The following CAPRIN1 variants were observed in gnomAD, a reference collection of about 807,000 sequenced individuals.
CAPRIN1 encodes cell cycle associated protein 1, also known as caprin-1.
CAPRIN1 carries 29 observed loss-of-function variants against 100.9 expected under a neutral mutation model. That is an observed-to-expected ratio of 0.29 (90% CI 0.21 to 0.39). The LOEUF (loss-of-function observed/expected upper bound fraction) is 0.39. Ranked by LOEUF, CAPRIN1 falls within the 10% of genes least tolerant of loss-of-function variation. CAPRIN1 has a pLI of 1.00. For synonymous variants in CAPRIN1, 338 were observed against 307.5 expected (o/e 1.10, Z -1.04); for missense variants, 795 against 876.7 (o/e 0.91, Z 1.18).
At position 34,083,082 on chromosome 11, in the gene CAPRIN1, C is replaced by T. The variant is rs182192697; in HGVS notation, c.966+41C>T. On this transcript the variant is annotated intron_variant, in intron 9 of 18. Coordinates refer to ENST00000341394, the MANE Select transcript of CAPRIN1 (RefSeq NM_005898.5). Reference sequence around the variant, plus strand: ...ATTGCAAAGTTGTTGTCTTTGTCTTCAGTTAGTAATTTTTATCTCTACTGA... The same window carrying T: ...ATTGCAAAGTTGTTGTCTTTGTCTTTAGTTAGTAATTTTTATCTCTACTGA... The T allele has an allele frequency of 2.9e-6, 4 of 1,371,224 alleles. No homozygotes were observed. The South Asian group carries it at 3.5e-5, about 12-fold the overall frequency. The allele number at this position is 1,371,224 out of a possible 1,614,324, so 84.9% of individuals were successfully genotyped here. A position where few individuals can be genotyped will look rare whatever the true frequency, so the allele number is the denominator to read the frequency against.
chr11:34,082,925 A>G, intron 8 of CAPRIN1, 30 bp from the exon 9 acceptor site: 1 of 1,612,952 alleles, frequency 6.2e-7, no homozygotes, highest in East Asian at 2.2e-5. Flanking sequence ...CTTTCAAACA[A>G]ATGTCTCAAA....
chr11:34,061,346 A>G (rs1726110537), intron 2 of CAPRIN1, among the ~76,000 whole-genome samples: 2 of 151,200 alleles, frequency 1.3e-5, no homozygotes, highest in East Asian at 2.0e-4. Flanking sequence ...AGCTGGTATT[A>G]TAGGCAACCA....
chr11:34,081,429 C>T (rs1319516760), intron 7 of CAPRIN1, among the ~76,000 whole-genome samples: 2 of 151,924 alleles, frequency 1.3e-5, no homozygotes, highest in Non-Finnish European at 2.9e-5. Context: ...GAACTCCTGA[C>T]CTCAGGTTAT....
chr11:34,097,440 G>C (rs1224323201), intron 17 of CAPRIN1, 144 bp downstream of exon 17: 1 of 752,498 alleles, frequency 1.3e-6, no homozygotes, highest in Non-Finnish European at 2.2e-6. Flanking sequence ...AAAGCTTTTA[G>C]CACTCAACAT....
intron 2 of CAPRIN1, among the ~76,000 whole-genome samples, chr11:34,059,061 A>C (rs897224237): frequency 3.0e-4 from 46 of 152,180 alleles, no homozygotes; most frequent in African/African-American, 1.0e-3. Context: ...TAGCTCATTT[A>C]TTTCTTTCTT....
At chr11:34,070,337 A>AAATG (rs1850783767) in intron 2 of CAPRIN1, among the ~76,000 whole-genome samples, 2 of 152,368 alleles carry the variant, frequency 1.3e-5, no homozygotes, top group South Asian at 4.1e-4. Context: ...TGTTCAAGAT[A>AAATG]AATGGATGAA....
chr11:34,074,129 C>T (rs1340354384), intron 4 of CAPRIN1, among the ~76,000 whole-genome samples: 1 of 152,224 alleles, frequency 6.6e-6, no homozygotes, highest in Admixed American at 6.5e-5. Context: ...GGGATGCATT[C>T]AGACCATAGC....
intron 2 of CAPRIN1, among the ~76,000 whole-genome samples, chr11:34,060,153 G>A (rs570033170): frequency 1.5e-5 from 2 of 130,426 alleles, no homozygotes; most frequent in East Asian, 2.3e-4. Flanking sequence ...CCGAGATCGC[G>A]CCACTGTTCT....
chr11:34,064,127 CTTATT>C (rs1207716568), intron 2 of CAPRIN1, among the ~76,000 whole-genome samples: 4 of 152,090 alleles, frequency 2.6e-5, no homozygotes, highest in Non-Finnish European at 4.4e-5. Context: ...TACTTAATAT[CTTATT>C]TTATTTGTTT....
intron 2 of CAPRIN1, among the ~76,000 whole-genome samples, chr11:34,063,939 T>C (rs1190894484): frequency 2.0e-5 from 3 of 152,188 alleles, no homozygotes; most frequent in African/African-American, 4.8e-5. Flanking sequence ...TGGCTAATTT[T>C]GTATTTTTAG....
chr11:34,052,754 C>T, intron 2 of CAPRIN1, 118 bp downstream of exon 2: 3 of 1,414,238 alleles, frequency 2.1e-6, no homozygotes, highest in Non-Finnish European at 2.9e-6. Flanking sequence ...AGGTCCCCTC[C>T]TCCCACCCCC....
At chr11:34,062,336 A>G (rs1378378558) in intron 2 of CAPRIN1, among the ~76,000 whole-genome samples, 3 of 151,324 alleles carry the variant, frequency 2.0e-5, no homozygotes, top group South Asian at 2.1e-4. Flanking sequence ...AAAAACTGGT[A>G]AAGATTGGAC....
intron 15 of CAPRIN1, among the ~76,000 whole-genome samples, chr11:34,094,111 T>C (rs1851319116): frequency 6.6e-6 from 1 of 152,042 alleles, no homozygotes; most frequent in Admixed American, 6.6e-5. Context: ...CCAGCTACAT[T>C]TGAGGCTGAG....
chr11:34,091,970 A>G lies in CAPRIN1; in HGVS notation c.1619A>G (p.Gln540Arg). 1 of 1,614,060 alleles carries G rather than the reference A, an allele frequency of 6.2e-7. No individual in the cohort carries two copies. Among genetic ancestry groups the G allele is most frequent in the Non-Finnish European group, 8.5e-7 (1 of 1,179,968 alleles). Residue 540 changes from glutamine (Q) to arginine (R), a missense_variant, in exon 15 of 19, where the codon CAG becomes CGG. By Grantham distance (43) the Gln-to-Arg change is conservative. This residue lies in a region of CAPRIN1 where 648 missense variants were observed against 697.9 expected (regional missense o/e 0.93). Coordinates refer to ENST00000341394, the MANE Select transcript of CAPRIN1 (RefSeq NM_005898.5). ...NEPETLKQQN[Q>R]YQASYNQSFS... ...CCAGAAACTTTAAAACAGCAAAATC[A>G]GTACCAGGCCAGTTATAACCAGAGC...
intron 2 of CAPRIN1, among the ~76,000 whole-genome samples, chr11:34,064,421 A>T (rs566735451): frequency 6.6e-6 from 1 of 152,338 alleles, no homozygotes; most frequent in East Asian, 1.9e-4. Flanking sequence ...GCCACTTAAG[A>T]TGGCATCATT....
At chr11:34,099,154 G>A in intron 18 of CAPRIN1, 149 bp from the exon 19 acceptor site, 2 of 1,459,996 alleles carry the variant, frequency 1.4e-6, no homozygotes, top group South Asian at 1.4e-5. Flanking sequence ...CCAGGACAGG[G>A]GAAACTTGAA....
At chr11:34,096,337 A>G (rs1242818085) in intron 15 of CAPRIN1, 142 bp from the exon 16 acceptor site, 4 of 584,800 alleles carry the variant, frequency 6.8e-6, no homozygotes, top group South Asian at 2.3e-5. Flanking sequence ...ATTCATGTGT[A>G]GTTTTTCTTA....
At chr11:34,061,782 C>G (rs989201272) in intron 2 of CAPRIN1, among the ~76,000 whole-genome samples, 1 of 151,658 alleles carries the variant, frequency 6.6e-6, no homozygotes, top group Admixed American at 6.6e-5. Context: ...ATCAGCCTGG[C>G]CAACATGGTG....
At chr11:34,076,820 G>A (rs767528775) in intron 6 of CAPRIN1, among the ~76,000 whole-genome samples, 178 bp downstream of exon 6, 8 of 149,844 alleles carry the variant, frequency 5.3e-5, no homozygotes, top group Non-Finnish European at 1.0e-4. Flanking sequence ...AGCAACCTCC[G>A]CCTCCCAGGT....
Sources: allele counts gnomAD v4.1 joint callset (sites outside exome capture counted in the v4.1 genomes callset), GRCh38; gene constraint gnomAD v4.1.1; regional missense constraint gnomAD v4.1.1; transcripts MANE v1.5; gene names NCBI Gene and HGNC (gene_info 2026-07-23, HGNC 2026-07-21).